The following PTPRG variants were observed in gnomAD, a reference collection of about 807,000 sequenced individuals.
The protein encoded by PTPRG is protein tyrosine phosphatase receptor type G.
PTPRG carries 102 observed loss-of-function variants against 165.3 expected under a neutral mutation model. The ratio of observed to expected loss-of-function variants is 0.62; its 90% confidence interval spans 0.53 to 0.73. The LOEUF (loss-of-function observed/expected upper bound fraction) is 0.73, where lower values mean the gene tolerates loss of function less well. Among genes scored for constraint, PTPRG ranks in the 30% least tolerant of loss-of-function variants. The pLI is 0.00. For synonymous variants in PTPRG, 675 were observed against 669.5 expected, an observed-to-expected ratio of 1.01 and a Z score of -0.13; for missense variants, 1,866 against 1,861.4, an observed-to-expected ratio of 1.00 and a Z score of -0.05.
intron 2 of PTPRG, among the ~76,000 whole-genome samples, chr3:61,804,163 A>G (rs1034532474): frequency 2.0e-5 from 3 of 152,228 alleles, no homozygotes; most frequent in Non-Finnish European, 4.4e-5. Flanking sequence ...AGCATATTTC[A>G]CACAAAAGCA....
At chr3:61,762,193 G>T (rs1213897063) in intron 2 of PTPRG, among the ~76,000 whole-genome samples, 1 of 152,046 alleles carries the variant, frequency 6.6e-6, no homozygotes, top group Non-Finnish European at 1.5e-5. Flanking sequence ...CTTTTTGATG[G>T]TCCTATGGCT....
rs932378297 is a variant in PTPRG at position 62,297,168 on chromosome 3, A to G, written c.*3861A>G. ...CTTTGTATCTATGGTATATAATCAT[A>G]GAATTTTATATTTTCATATAAAGCT... is the stretch of plus-strand genomic sequence containing the variant. On this transcript the variant is annotated 3_prime_UTR_variant, in exon 30 of 30. Coordinates refer to ENST00000474889, the MANE Select transcript of PTPRG (RefSeq NM_002841.4). The G allele has an allele frequency of 2.0e-5, 3 of 152,108 alleles. No homozygotes were observed. Among genetic ancestry groups the G allele is most frequent in the Non-Finnish European group, 4.4e-5 (3 of 67,978 alleles). 9.4% of individuals were successfully genotyped at this position (152,108 alleles called of 1,614,324 possible).
intron 1 of PTPRG, among the ~76,000 whole-genome samples, chr3:61,572,275 A>T (rs1272757718): frequency 6.6e-6 from 1 of 152,136 alleles, no homozygotes; most frequent in Non-Finnish European, 1.5e-5. Context: ...ATGAAACCTT[A>T]TTTCTTCTGG....
chr3:61,672,114 A>G (rs1448192916), intron 1 of PTPRG, among the ~76,000 whole-genome samples: 1 of 147,778 alleles, frequency 6.8e-6, no homozygotes, highest in East Asian at 2.0e-4. Flanking sequence ...CCCACATCTC[A>G]GACGATGGGC....
intron 6 of PTPRG, among the ~76,000 whole-genome samples, chr3:62,150,099 C>G (rs1704274064): frequency 6.6e-6 from 1 of 152,132 alleles, no homozygotes; most frequent in African/African-American, 2.4e-5. Context: ...TTGCTGTTTG[C>G]AAAACAGTGG....
At chr3:61,861,424 C>T (rs1377806450) in intron 2 of PTPRG, among the ~76,000 whole-genome samples, 1 of 152,162 alleles carries the variant, frequency 6.6e-6, no homozygotes, top group South Asian at 2.1e-4. Context: ...TCCTAGAGGG[C>T]AGAAAATGCT....
intron 1 of PTPRG, among the ~76,000 whole-genome samples, chr3:61,665,681 A>T (rs1702793493): frequency 6.6e-6 from 1 of 151,926 alleles, no homozygotes; most frequent in African/African-American, 2.4e-5. Flanking sequence ...AAAGAAAATT[A>T]ACTGGGTGTG....
At chr3:62,246,412 G>A (rs991584708) in intron 15 of PTPRG, among the ~76,000 whole-genome samples, 27 of 152,098 alleles carry the variant, frequency 1.8e-4, no homozygotes, top group Admixed American at 5.9e-4. Flanking sequence ...TCCTTAAAGA[G>A]CTTTCAGCTT....
intron 2 of PTPRG, among the ~76,000 whole-genome samples, chr3:61,866,128 GT>G: frequency 6.6e-6 from 1 of 152,192 alleles, no homozygotes; most frequent in Non-Finnish European, 1.5e-5. Flanking sequence ...ATATGGATAA[GT>G]CATGCAGCAC....
intron 2 of PTPRG, among the ~76,000 whole-genome samples, chr3:61,906,767 G>C (rs1003114589): frequency 1.3e-5 from 2 of 150,640 alleles, no homozygotes; most frequent in African/African-American, 4.9e-5. Flanking sequence ...CTGGGAGACA[G>C]AGTGAGACCC....
chr3:61,836,611 T>G (rs184652792), intron 2 of PTPRG, among the ~76,000 whole-genome samples: 147 of 152,334 alleles, frequency 9.6e-4, no homozygotes, highest in African/African-American at 3.3e-3. Context: ...GATAATAATA[T>G]CTATTGCCAT....
chr3:61,616,326 A>G (rs1559525630), intron 1 of PTPRG, among the ~76,000 whole-genome samples: 1 of 152,174 alleles, frequency 6.6e-6, no homozygotes, highest in Non-Finnish European at 1.5e-5. Flanking sequence ...TAGTGGACAA[A>G]TCTATGGGTT....
intron 14 of PTPRG, chr3:62,243,595 G>C (rs549454174): frequency 2.3e-6 from 1 of 428,520 alleles, no homozygotes. Context: ...GTTTGGATGC[G>C]GTGATGATAA....
intron 2 of PTPRG, among the ~76,000 whole-genome samples, chr3:61,882,112 T>A (rs1252497691): frequency 1.3e-5 from 2 of 152,214 alleles, no homozygotes; most frequent in African/African-American, 4.8e-5. Flanking sequence ...ACATGTCAAG[T>A]CTTTCATCTT....
At chr3:61,883,784 C>T (rs1350442682) in intron 2 of PTPRG, among the ~76,000 whole-genome samples, 1 of 152,144 alleles carries the variant, frequency 6.6e-6, no homozygotes, top group Non-Finnish European at 1.5e-5. Context: ...AATCACAGCG[C>T]ACTGTAGCCC....
At position 62,065,117 on chromosome 3, in the gene PTPRG, G is replaced by C. The variant is rs114384760; in HGVS notation, c.520-13046G>C. 4.2e-3 allele frequency among the ~76,000 whole-genome samples: 645 copies of C among 152,172 alleles called. 8 individuals carry two copies. The highest frequency in any genetic ancestry group is 0.015 in the African/African-American group (619 of 41,494). ...ATCCATAAATCCAGTGTTACGAATG[G>C]TATAGGAAAATTGGTATTCTCCTGC... On this transcript the variant is annotated intron_variant, in intron 4 of 29. Transcript: ENST00000474889.
intron 1 of PTPRG, among the ~76,000 whole-genome samples, chr3:61,633,757 A>G (rs994236651): frequency 4.6e-5 from 7 of 152,178 alleles, no homozygotes; most frequent in African/African-American, 7.2e-5. Context: ...TGGTGAGATC[A>G]GACATCTTTA....
intron 3 of PTPRG, among the ~76,000 whole-genome samples, chr3:61,994,246 G>A (rs1395016020): frequency 6.6e-6 from 1 of 152,206 alleles, no homozygotes; most frequent in Non-Finnish European, 1.5e-5. Context: ...CTTAGACGGT[G>A]CTTCTGATGT....
chr3:61,988,785 C>G (rs533253305), intron 2 of PTPRG, among the ~76,000 whole-genome samples: 2 of 152,278 alleles, frequency 1.3e-5, no homozygotes, highest in Non-Finnish European at 2.9e-5. Context: ...GCAGAAAAGT[C>G]TAAGAGCCTG....
Sources: allele counts gnomAD v4.1 joint callset (sites outside exome capture counted in the v4.1 genomes callset), GRCh38; gene constraint gnomAD v4.1.1; transcripts MANE v1.5; gene names NCBI Gene and HGNC (gene_info 2026-07-23, HGNC 2026-07-21).